PRLR: variants seen among roughly 807,000 people sequenced by gnomAD.
PRLR encodes hPRL receptor.
In PRLR, 13 loss-of-function variants were observed where a neutral mutation model predicts 40.2. The observed-to-expected ratio is 0.32, with a 90% CI of 0.21 to 0.51. The LOEUF (loss-of-function observed/expected upper bound fraction) is 0.51, where lower values mean the gene tolerates loss of function less well. Among genes scored for constraint, PRLR ranks in the 20% least tolerant of loss-of-function variants. The pLI is 0.97. For synonymous variants in PRLR, 269 were observed against 278.7 expected (o/e 0.97, Z 0.35); for missense variants, 656 against 747.3 (o/e 0.88, Z 1.42).
chr5:35,093,108 T>C (rs1408936681), intron 2 of PRLR, among the ~76,000 whole-genome samples: 4 of 152,082 alleles, frequency 2.6e-5, no homozygotes, highest in Non-Finnish European at 4.4e-5. Flanking sequence ...CTCTTCCACG[T>C]AGGCCAACAG....
Position 35,065,056 on chromosome 5 carries a change from A to G in PRLR, c.*33T>C, listed in dbSNP as rs191624074. 8 of 1,580,198 alleles carry G rather than the reference A, an allele frequency of 5.1e-6. No homozygotes were observed. The highest frequency in any genetic ancestry group is 1.7e-4 in the Middle Eastern group (1 of 5,884). On this transcript the variant is annotated 3_prime_UTR_variant, in exon 10 of 10. Transcript: ENST00000618457. ...CTGTAGTGTTACCTGAAGAAAAATCACATTTTAACCAATCATTCCATTAGT... is the reference window on the plus strand; with the variant it reads ...CTGTAGTGTTACCTGAAGAAAAATCGCATTTTAACCAATCATTCCATTAGT...
chr5:35,220,120 G>A (rs893812907), intron 1 of PRLR, among the ~76,000 whole-genome samples: 1 of 152,140 alleles, frequency 6.6e-6, no homozygotes, highest in African/African-American at 2.4e-5. Flanking sequence ...CACAGAAGCT[G>A]GGAAGAGCTC....
chr5:35,145,604 T>C (rs1774162138), intron 1 of PRLR, among the ~76,000 whole-genome samples: 1 of 152,200 alleles, frequency 6.6e-6, no homozygotes, highest in Admixed American at 6.5e-5. Context: ...CACACCACCA[T>C]TGTTGCATTA....
chr5:35,162,637 G>A (rs1488368882), intron 1 of PRLR, among the ~76,000 whole-genome samples: 3 of 152,174 alleles, frequency 2.0e-5, no homozygotes, highest in Non-Finnish European at 2.9e-5. Flanking sequence ...AGAGCTGAGC[G>A]GGATCTCAGA....
At chr5:35,090,891 A>G (rs1441435989) in intron 2 of PRLR, among the ~76,000 whole-genome samples, 1 of 141,252 alleles carries the variant, frequency 7.1e-6, no homozygotes, top group East Asian at 2.0e-4. Context: ...GCTCACTGCA[A>G]GCTCCGCTTA....
At chr5:35,105,000 A>G (rs1772142836) in intron 2 of PRLR, among the ~76,000 whole-genome samples, 1 of 152,160 alleles carries the variant, frequency 6.6e-6, no homozygotes, top group South Asian at 2.1e-4. Flanking sequence ...TCATACACGC[A>G]GGTGCCCCTC....
intron 1 of PRLR, among the ~76,000 whole-genome samples, chr5:35,213,741 G>A (rs949058336): frequency 2.0e-5 from 3 of 152,202 alleles, no homozygotes; most frequent in South Asian, 2.1e-4. Flanking sequence ...CCTCCATGTG[G>A]CTAGAAGAAG....
chr5:35,222,053 C>A (rs1776435891), intron 1 of PRLR, among the ~76,000 whole-genome samples: 2 of 152,264 alleles, frequency 1.3e-5, no homozygotes, highest in Admixed American at 1.3e-4. Context: ...GCCTGTAATC[C>A]CAGCACTTTG....
chr5:35,117,010 G>C (rs1225276372), intron 2 of PRLR, among the ~76,000 whole-genome samples: 1 of 152,092 alleles, frequency 6.6e-6, no homozygotes. Flanking sequence ...GAACTGTCTG[G>C]AGATGTCATT....
chr5:35,219,150 C>G (rs935834063), intron 1 of PRLR, among the ~76,000 whole-genome samples: 1 of 152,170 alleles, frequency 6.6e-6, no homozygotes, highest in Admixed American at 6.5e-5. Context: ...GTCCAACTCC[C>G]GGAAGCCCGG....
exon 9 of PRLR, chr5:35,048,811 G>C (rs1277821447): frequency 4.0e-6 from 1 of 251,206 alleles, no homozygotes; most frequent in Non-Finnish European, 8.1e-6. Context: ...TCTCTTCTAG[G>C]TTTCCCACTG....
intron 5 of PRLR, among the ~76,000 whole-genome samples, chr5:35,082,999 C>T (rs931013059): frequency 4.6e-5 from 7 of 151,680 alleles, no homozygotes; most frequent in African/African-American, 1.5e-4. Flanking sequence ...AAAACAGTTG[C>T]TAATTTCAGA....
At chr5:35,068,902 C>T in intron 7 of PRLR, 24 bp from the exon 8 acceptor site, 4 of 1,544,588 alleles carry the variant, frequency 2.6e-6, no homozygotes, top group Non-Finnish European at 2.7e-6. Flanking sequence ...AGCCAGAAAG[C>T]TTTGATCACG....
At chr5:35,171,502 G>T (rs1774996309) in intron 1 of PRLR, among the ~76,000 whole-genome samples, 1 of 152,110 alleles carries the variant, frequency 6.6e-6, no homozygotes, top group South Asian at 2.1e-4. Context: ...TTTAGCAACT[G>T]GGCTGTTTTG....
At chr5:35,180,033 T>G (rs1464147617) in intron 1 of PRLR, among the ~76,000 whole-genome samples, 2 of 152,114 alleles carry the variant, frequency 1.3e-5, no homozygotes, top group African/African-American at 4.8e-5. Context: ...GCGGTCCCAT[T>G]TGGGAGTGAC....
At position 35,070,158 on chromosome 5, in the gene PRLR, T is replaced by A. The variant is rs775727179; in HGVS notation, c.651A>T (p.Ala217=). ...TCTGAATGAAGGTCGCTGGACTCCATGCACTCCAGTATCCATGGTCTGGTT... is the reference window on the plus strand; with the variant it reads ...TCTGAATGAAGGTCGCTGGACTCCAAGCACTCCAGTATCCATGGTCTGGTT... The part of the protein sequence containing the change: ...RCKPDHGYWS[A]WSPATFIQIP... Residue 217 remains alanine (A), a synonymous_variant, in exon 7 of 10, where the codon GCA becomes GCT. Transcript: ENST00000618457. 1 of 1,613,924 alleles carries A rather than the reference T, an allele frequency of 6.2e-7. No individual in the cohort carries two copies. The highest frequency in any genetic ancestry group is 8.5e-7 in the Non-Finnish European group (1 of 1,180,018).
chr5:35,123,439 A>G (rs1333360719), intron 1 of PRLR, among the ~76,000 whole-genome samples: 1 of 152,254 alleles, frequency 6.6e-6, no homozygotes, highest in African/African-American at 2.4e-5. Flanking sequence ...TAATGTCATC[A>G]TTGAAAATGA....
At chr5:35,132,428 A>T (rs904435238) in intron 1 of PRLR, among the ~76,000 whole-genome samples, 1 of 152,168 alleles carries the variant, frequency 6.6e-6, no homozygotes, top group African/African-American at 2.4e-5. Context: ...AAAATCCCAG[A>T]CATCATGTTA....
intron 1 of PRLR, among the ~76,000 whole-genome samples, chr5:35,136,577 G>C (rs1369765262): frequency 6.6e-6 from 1 of 152,124 alleles, no homozygotes; most frequent in Non-Finnish European, 1.5e-5. Flanking sequence ...GCATGGGAGA[G>C]GCAGCATCAG....
Sources: gnomAD v4.1 joint callset for allele counts (sites outside exome capture counted in the v4.1 genomes callset) on GRCh38, gnomAD v4.1.1 for gene constraint, MANE v1.5 for transcripts, NCBI Gene and HGNC (gene_info 2026-07-23, HGNC 2026-07-21) for gene names.